PGBD2: variants seen among roughly 807,000 people sequenced by gnomAD.
PGBD2 encodes piggyBac transposable element derived 2, also known as piggyBac transposable element-derived protein 2.
Under a neutral mutation model 8.1 loss-of-function variants are expected in PGBD2, and 6 were observed. That is an observed-to-expected ratio of 0.74 (90% CI 0.40 to 1.46). The LOEUF (loss-of-function observed/expected upper bound fraction) is 1.46. PGBD2 is among the 40% of genes most tolerant of loss of function. The pLI, the probability that PGBD2 is intolerant of heterozygous loss-of-function variation, is 0.02. For synonymous variants in PGBD2, 318 were observed against 272.2 expected, an observed-to-expected ratio of 1.17 and a Z score of -1.66; for missense variants, 802 against 739.0, an observed-to-expected ratio of 1.09 and a Z score of -0.99.
chr1:248,928,654 C>T, the PGBD2 span, among the ~76,000 whole-genome samples: 11 of 152,244 alleles, frequency 7.2e-5, no homozygotes, highest in African/African-American at 2.4e-4. Context: ...GTAAGAGGAC[C>T]TTGTGCATGA....
chr1:248,903,473 G>A (rs1271475625), upstream of PGBD2, among the ~76,000 whole-genome samples: 5 of 152,152 alleles, frequency 3.3e-5, no homozygotes, highest in Non-Finnish European at 2.9e-5. Flanking sequence ...ACAGGTGTGA[G>A]CCACCACTGC....
chr1:248,873,982 A>T, the PGBD2 span, among the ~76,000 whole-genome samples: 21 of 152,262 alleles, frequency 1.4e-4, no homozygotes, highest in Admixed American at 7.8e-4. Flanking sequence ...TTAGCATTTT[A>T]TTCCCCGGAA....
At chr1:248,903,635 A>G (rs1480783817), upstream of PGBD2, among the ~76,000 whole-genome samples, 1 of 152,180 alleles carries the variant, frequency 6.6e-6, no homozygotes, top group East Asian at 1.9e-4. Context: ...CTTATCCTGG[A>G]CCCATTAATC....
At chr1:248,908,473 T>TA (rs200744740) in intron 1 of PGBD2, among the ~76,000 whole-genome samples, 3,249 of 152,208 alleles carry the variant, frequency 0.021, 54 homozygotes, top group East Asian at 0.038. Flanking sequence ...TCCCCTGCCC[T>TA]ACCCCCTCAA....
chr1:248,916,490 T>C, intron 2 of PGBD2, 112 bp from the exon 3 acceptor site: 1 of 825,100 alleles, frequency 1.2e-6, no homozygotes, highest in Non-Finnish European at 1.9e-6. Flanking sequence ...ATGCCAGATC[T>C]GTGAAGCCAT....
At chr1:248,903,045 T>C (rs951291403), upstream of PGBD2, among the ~76,000 whole-genome samples, 3 of 152,184 alleles carry the variant, frequency 2.0e-5, no homozygotes, top group African/African-American at 7.2e-5. Flanking sequence ...AGTTTTTTTG[T>C]AGAGATGGGA....
intron 1 of PGBD2, among the ~76,000 whole-genome samples, chr1:248,907,723 T>C (rs1661708758): frequency 6.6e-6 from 1 of 152,228 alleles, no homozygotes; most frequent in Non-Finnish European, 1.5e-5. Flanking sequence ...CCCTTAAACC[T>C]TGATTCCATA....
chr1:248,874,200 C>G, the PGBD2 span, among the ~76,000 whole-genome samples: 1 of 152,142 alleles, frequency 6.6e-6, no homozygotes, highest in Admixed American at 6.5e-5. Flanking sequence ...AGATACGTCA[C>G]AGGATATTTA....
chr1:248,896,188 T>C, the PGBD2 span, among the ~76,000 whole-genome samples: 6 of 152,278 alleles, frequency 3.9e-5, no homozygotes, highest in Non-Finnish European at 4.4e-5. Flanking sequence ...GCTGCAAATG[T>C]ACGGCTTGCA....
chr1:248,881,882 T>G, the PGBD2 span, among the ~76,000 whole-genome samples: 280 of 152,310 alleles, frequency 1.8e-3, 6 homozygotes, highest in Non-Finnish European at 2.8e-4. Flanking sequence ...GTTAGAAAAT[T>G]TTAGTTCCTC....
At chr1:248,912,765 A>T (rs561233112) in intron 1 of PGBD2, 3 of 151,306 alleles carry the variant, frequency 2.0e-5, no homozygotes, top group Non-Finnish European at 2.9e-5. Flanking sequence ...TATTGGTCCA[A>T]TTTTAGTATA....
At chr1:248,878,315 G>C in the PGBD2 span, among the ~76,000 whole-genome samples, 1 of 152,126 alleles carries the variant, frequency 6.6e-6, no homozygotes, top group East Asian at 1.9e-4. Flanking sequence ...GAGTAGCTGG[G>C]ACTACGGGGC....
At chr1:248,880,953 C>T in the PGBD2 span, among the ~76,000 whole-genome samples, 1 of 152,030 alleles carries the variant, frequency 6.6e-6, no homozygotes, top group Non-Finnish European at 1.5e-5. Flanking sequence ...GATGTTATCT[C>T]TGTATAATAT....
chr1:248,895,648 G>T, the PGBD2 span, among the ~76,000 whole-genome samples: 1 of 151,722 alleles, frequency 6.6e-6, no homozygotes, highest in Non-Finnish European at 1.5e-5. Flanking sequence ...CTAAGATTTT[G>T]GTACCTGAGC....
Position 248,918,284 on chromosome 1 carries a change from A to G in PGBD2, c.1700A>G (p.His567Arg). 1 of 1,606,130 alleles carries G rather than the reference A, an allele frequency of 6.2e-7. No individual in the cohort carries two copies. The highest frequency in any genetic ancestry group is 8.5e-7 in the Non-Finnish European group (1 of 1,175,766). Residue 567 changes from histidine (H) to arginine (R), a missense_variant, in exon 3 of 3, where the codon CAC (histidine) becomes CGC (arginine). By Grantham distance (29) the His-to-Arg change is conservative. Transcript: ENST00000329291. Reference sequence around the variant, plus strand: ...AAGAGGACCCGGTGTGCCCTCTGCCACTCACAGACCAACACCCGGTGTGAG... The same window carrying G: ...AAGAGGACCCGGTGTGCCCTCTGCCGCTCACAGACCAACACCCGGTGTGAG... ...QDKRTRCALC[H>R]SQTNTRCEKC...
chr1:248,928,891 G>A, the PGBD2 span, among the ~76,000 whole-genome samples: 2 of 152,146 alleles, frequency 1.3e-5, no homozygotes, highest in South Asian at 2.1e-4. Flanking sequence ...CAAAGATGAG[G>A]CAAAGCCAGA....
intron 1 of PGBD2, among the ~76,000 whole-genome samples, chr1:248,910,741 C>T (rs1160914510): frequency 6.6e-6 from 1 of 152,178 alleles, no homozygotes; most frequent in Non-Finnish European, 1.5e-5. Context: ...CTTGGATTTA[C>T]TGAAAGCCCA....
rs1662204219 is a variant in PGBD2 at position 248,918,558 on chromosome 1, T to C, written c.*195T>C. 3.3e-6 allele frequency: 1 copy of C among 299,816 alleles called. No individual in the cohort carries two copies. Among genetic ancestry groups the C allele is most frequent in the African/African-American group, 2.2e-5 (1 of 45,860 alleles). 18.6% of individuals were successfully genotyped at this position (299,816 alleles called of 1,614,324 possible). On this transcript the variant is annotated 3_prime_UTR_variant, in exon 3 of 3. Coordinates refer to ENST00000329291, the MANE Select transcript of PGBD2 (RefSeq NM_170725.3). ...TGCCTACATGTGATATAAATTAATA[T>C]TTATATTCATTTATATTTATATTTT...
intron 1 of PGBD2, among the ~76,000 whole-genome samples, chr1:248,913,086 G>C (rs768826211): frequency 6.6e-6 from 1 of 152,140 alleles, no homozygotes; most frequent in Non-Finnish European, 1.5e-5. Flanking sequence ...ACAGGTGTGA[G>C]CCACCGCGCC....
Sources: allele counts gnomAD v4.1 joint callset (sites outside exome capture counted in the v4.1 genomes callset), GRCh38; gene constraint gnomAD v4.1.1; transcripts MANE v1.5; gene names NCBI Gene and HGNC (gene_info 2026-07-23, HGNC 2026-07-21).